SVOP: variants seen among roughly 807,000 people sequenced by gnomAD.
SVOP encodes synaptic vesicle 2-related protein.
In SVOP, 17 loss-of-function variants were observed where a neutral mutation model predicts 69.1. That is an observed-to-expected ratio of 0.25 (90% CI 0.17 to 0.37). SVOP has a LOEUF of 0.37. Ranked by LOEUF, SVOP falls within the 10% of genes least tolerant of loss-of-function variation. SVOP has a pLI of 1.00. For missense variants in SVOP, 435 were observed against 597.5 expected, an observed-to-expected ratio of 0.73 and a Z score of 2.84; for synonymous variants, 238 against 238.6, an observed-to-expected ratio of 1.00 and a Z score of 0.02.
chr12:108,977,164 T>A (rs2040110819), intron 4 of SVOP, among the ~76,000 whole-genome samples: 1 of 152,152 alleles, frequency 6.6e-6, no homozygotes, highest in Non-Finnish European at 1.5e-5. Context: ...GGTTTCAAGC[T>A]CCCAGCAACA....
intron 1 of SVOP, among the ~76,000 whole-genome samples, chr12:109,012,298 A>T (rs1302666566): frequency 6.6e-6 from 1 of 151,860 alleles, no homozygotes; most frequent in Non-Finnish European, 1.5e-5. Context: ...AAAAAAAATC[A>T]GTTAGACAGG....
At position 108,919,791 on chromosome 12, in the gene SVOP, A is replaced by C. The variant is rs986230890; in HGVS notation, c.1157-5T>G. On this transcript the variant is annotated splice_polypyrimidine_tract_variant and splice_region_variant and intron_variant, in intron 12 of 15. Coordinates refer to ENST00000610966, the MANE Select transcript of SVOP (RefSeq NM_018711.5). ...TCCACAGAGTCACAAGGACACCTGG[A>C]AGGGGAGTGGGGAGAGATAGGCAGC... 5 of 1,580,848 alleles carry C rather than the reference A, an allele frequency of 3.2e-6. No homozygotes were observed. The Admixed American group carries it at 5.4e-5, about 17-fold the overall frequency.
chr12:108,982,786 CACT>C, intron 2 of SVOP, among the ~76,000 whole-genome samples: 1 of 146,678 alleles, frequency 6.8e-6, no homozygotes, highest in East Asian at 2.0e-4. Flanking sequence ...CCATCATCAT[CACT>C]ATCATCATCA....
chr12:108,949,295 A>G (rs1328122922), intron 6 of SVOP, among the ~76,000 whole-genome samples: 2 of 151,586 alleles, frequency 1.3e-5, no homozygotes, highest in African/African-American at 4.9e-5. Flanking sequence ...GCCCACACAG[A>G]GTCTCACTCT....
rs866802344 is a variant in SVOP at position 108,997,620 on chromosome 12, G to A, written c.36-13859C>T. The stretch of plus-strand genomic sequence containing the variant: ...AGCACGCAGCTGGAGATCTGAGAAC[G>A]GGCAGACTGCCTCCTCAAGTGGGTC... On this transcript the variant is annotated intron_variant, in intron 1 of 15. Transcript: ENST00000610966. Among the ~76,000 whole-genome samples, 165 of 151,504 alleles carry A rather than the reference G, an allele frequency of 1.1e-3. 4 individuals carry two copies. The South Asian group carries it at 0.02, about 18-fold the overall frequency.
chr12:108,930,836 A>C (rs766615872), intron 11 of SVOP, among the ~76,000 whole-genome samples: 1 of 152,226 alleles, frequency 6.6e-6, no homozygotes, highest in Non-Finnish European at 1.5e-5. Context: ...CTCACTATGT[A>C]TGGAGAAACT....
At chr12:108,923,180 G>C (rs545797617) in intron 11 of SVOP, among the ~76,000 whole-genome samples, 1 of 152,322 alleles carries the variant, frequency 6.6e-6, no homozygotes, top group South Asian at 2.1e-4. Context: ...CCCTCCCCTT[G>C]ATTGTGTAGA....
At chr12:109,004,700 AGT>A (rs2040294309) in intron 1 of SVOP, among the ~76,000 whole-genome samples, 1 of 131,104 alleles carries the variant, frequency 7.6e-6, no homozygotes, top group Non-Finnish European at 1.6e-5. Flanking sequence ...GCCTGATACA[AGT>A]ATTTCATTTC....
chr12:108,933,215 T>C (rs2039832449), intron 11 of SVOP, among the ~76,000 whole-genome samples: 1 of 152,062 alleles, frequency 6.6e-6, no homozygotes, highest in Non-Finnish European at 1.5e-5. Context: ...AATAAATAAA[T>C]AAGTAAATTT....
intron 10 of SVOP, 156 bp downstream of exon 10, chr12:108,937,108 G>A (rs1049774217): frequency 7.0e-6 from 5 of 717,874 alleles, no homozygotes; most frequent in Admixed American, 6.3e-5. Context: ...ATGATAACCT[G>A]GATATGACGG....
chr12:108,917,634 A>G (rs2039721913), intron 14 of SVOP, among the ~76,000 whole-genome samples: 1 of 149,642 alleles, frequency 6.7e-6, no homozygotes, highest in Non-Finnish European at 1.5e-5. Context: ...ATACATAGAC[A>G]TCCACCTCAT....
In SVOP at chr12:108,998,835, C is replaced by T. The variant is rs1053950772; in HGVS notation, c.36-15074G>A. ...AGCGCTAAACATGGAAAGGAACAAC[C>T]GGTACCAGCCGTTGCAAAATCATGC... On this transcript the variant is annotated intron_variant, in intron 1 of 15. Coordinates refer to ENST00000610966, the MANE Select transcript of SVOP (RefSeq NM_018711.5). Among the ~76,000 whole-genome samples the T allele has an allele frequency of 7.3e-5, 11 of 151,670 alleles. 1 individual carries two copies. Among genetic ancestry groups the T allele is most frequent in the South Asian group, 4.2e-4 (2 of 4,758 alleles).
intron 1 of SVOP, among the ~76,000 whole-genome samples, chr12:109,010,572 G>A (rs2040336206): frequency 1.3e-5 from 2 of 151,056 alleles, no homozygotes; most frequent in Non-Finnish European, 3.0e-5. Flanking sequence ...GGAGTGCAGT[G>A]GTGCAATCAT....
intron 1 of SVOP, among the ~76,000 whole-genome samples, chr12:108,998,019 C>A (rs1336673236): frequency 6.7e-6 from 1 of 148,392 alleles, no homozygotes; most frequent in East Asian, 2.0e-4. Flanking sequence ...CTCTGAGCTA[C>A]GGGAGGACAT....
At chr12:108,943,234 G>A (rs1482274345) in intron 7 of SVOP, among the ~76,000 whole-genome samples, 2 of 151,964 alleles carry the variant, frequency 1.3e-5, no homozygotes, top group South Asian at 2.1e-4. Context: ...AATCACAGTC[G>A]ATTTCTGTTG....
chr12:108,970,184 T>A (rs2040070243), intron 5 of SVOP, among the ~76,000 whole-genome samples: 1 of 152,202 alleles, frequency 6.6e-6, no homozygotes, highest in South Asian at 2.1e-4. Context: ...GGAACGTTCA[T>A]TCATTCATTG....
intron 5 of SVOP, among the ~76,000 whole-genome samples, chr12:108,963,969 T>C (rs1327283747): frequency 2.0e-5 from 3 of 152,232 alleles, no homozygotes; most frequent in African/African-American, 7.2e-5. Context: ...CAATTAAGAC[T>C]GTATAGTTTC....
At chr12:108,962,507 T>G (rs543897881) in intron 5 of SVOP, among the ~76,000 whole-genome samples, 55 of 152,106 alleles carry the variant, frequency 3.6e-4, no homozygotes, top group African/African-American at 1.2e-3. Flanking sequence ...AGAAATGGAG[T>G]GTTGCTATGT....
intron 1 of SVOP, among the ~76,000 whole-genome samples, chr12:108,998,900 C>G (rs1009663593): frequency 5.9e-5 from 9 of 151,844 alleles, no homozygotes; most frequent in Admixed American, 5.9e-4. Flanking sequence ...GAAACTGCAT[C>G]AACTAACAAG....
Sources: gnomAD v4.1 joint callset for allele counts (sites outside exome capture counted in the v4.1 genomes callset) on GRCh38, gnomAD v4.1.1 for gene constraint, MANE v1.5 for transcripts, NCBI Gene and HGNC (gene_info 2026-07-23, HGNC 2026-07-21) for gene names.